SLC24A2: variants seen among roughly 807,000 people sequenced by gnomAD.
SLC24A2 encodes sodium/potassium/calcium exchanger 2.
Under a neutral mutation model 62.0 loss-of-function variants are expected in SLC24A2, and 36 were observed. The observed-to-expected ratio is 0.58, with a 90% CI of 0.44 to 0.77. The LOEUF is 0.77. SLC24A2 is among the 30% of genes least tolerant of loss of function. SLC24A2 has a pLI of 0.00. For synonymous variants in SLC24A2, 358 were observed against 294.0 expected (o/e 1.22, Z -2.23); for missense variants, 846 against 817.9 (o/e 1.03, Z -0.42).
the SLC24A2 span, among the ~76,000 whole-genome samples, chr9:20,224,411 A>G: frequency 0.012 from 1,809 of 152,144 alleles, 11 homozygotes; most frequent in Middle Eastern, 0.017. Context: ...AATCATAACC[A>G]TAAGTTTGGC....
At chr9:20,002,412 T>C in the SLC24A2 span, among the ~76,000 whole-genome samples, 1 of 151,900 alleles carries the variant, frequency 6.6e-6, no homozygotes, top group South Asian at 2.1e-4. Context: ...TGGTACCCTT[T>C]TGAAAAGATA....
At chr9:20,180,094 T>C in the SLC24A2 span, among the ~76,000 whole-genome samples, 3 of 152,170 alleles carry the variant, frequency 2.0e-5, no homozygotes, top group South Asian at 6.2e-4. Flanking sequence ...AGATAGAGTG[T>C]GGTATAAGAA....
At chr9:19,825,770 C>T in the SLC24A2 span, among the ~76,000 whole-genome samples, 1 of 151,786 alleles carries the variant, frequency 6.6e-6, no homozygotes, top group South Asian at 2.1e-4. Flanking sequence ...AAGAAGCTGA[C>T]AAAGTAATTA....
At chr9:20,001,554 G>T in the SLC24A2 span, among the ~76,000 whole-genome samples, 1 of 152,168 alleles carries the variant, frequency 6.6e-6, no homozygotes, top group Non-Finnish European at 1.5e-5. Context: ...ATCAAAAATA[G>T]AACCACTGTG....
chr9:20,182,846 A>C, the SLC24A2 span, among the ~76,000 whole-genome samples: 1 of 152,208 alleles, frequency 6.6e-6, no homozygotes, highest in South Asian at 2.1e-4. Flanking sequence ...AAAGGCAGAA[A>C]ATAAAACTTC....
intron 2 of SLC24A2, among the ~76,000 whole-genome samples, chr9:19,649,357 T>C (rs1468581036): frequency 6.6e-6 from 1 of 152,112 alleles, no homozygotes; most frequent in African/African-American, 2.4e-5. Context: ...CAAAAATATG[T>C]TGGGTATTAC....
intron 2 of SLC24A2, among the ~76,000 whole-genome samples, chr9:19,661,007 G>C (rs1027401315): frequency 1.3e-5 from 2 of 152,140 alleles, no homozygotes; most frequent in African/African-American, 4.8e-5. Context: ...GGTATGGCTA[G>C]TACACCAGAG....
intron 2 of SLC24A2, among the ~76,000 whole-genome samples, chr9:19,695,766 T>C (rs370277188): frequency 6.7e-6 from 1 of 149,984 alleles, no homozygotes; most frequent in East Asian, 2.0e-4. Flanking sequence ...ACTATTCATA[T>C]AATTTGAATG....
At chr9:19,728,868 A>G (rs965372290) in intron 2 of SLC24A2, among the ~76,000 whole-genome samples, 1 of 152,212 alleles carries the variant, frequency 6.6e-6, no homozygotes, top group Admixed American at 6.5e-5. Context: ...GGCTGAGACT[A>G]AAAAGCCAAG....
the SLC24A2 span, among the ~76,000 whole-genome samples, chr9:19,830,606 C>T: frequency 6.6e-6 from 1 of 152,136 alleles, no homozygotes; most frequent in Non-Finnish European, 1.5e-5. Context: ...CTGAATCTTC[C>T]AGGAGTCTTC....
chr9:20,075,960 C>T, the SLC24A2 span, among the ~76,000 whole-genome samples: 1 of 152,146 alleles, frequency 6.6e-6, no homozygotes, highest in East Asian at 1.9e-4. Context: ...CTCCTGTATA[C>T]TTTAAATCAT....
At chr9:19,995,833 G>A in the SLC24A2 span, among the ~76,000 whole-genome samples, 3 of 152,330 alleles carry the variant, frequency 2.0e-5, no homozygotes, top group South Asian at 4.1e-4. Context: ...AACAGATGGG[G>A]CAGGCATCAT....
the SLC24A2 span, among the ~76,000 whole-genome samples, chr9:20,009,681 T>C: frequency 6.6e-6 from 1 of 152,128 alleles, no homozygotes; most frequent in Non-Finnish European, 1.5e-5. Context: ...ATGCTAGTAG[T>C]GGAGAGGTAA....
the SLC24A2 span, among the ~76,000 whole-genome samples, chr9:20,168,833 G>A: frequency 8.8e-4 from 134 of 152,064 alleles, no homozygotes; most frequent in Admixed American, 5.8e-3. Context: ...CACATGACCC[G>A]GCAGTTTCAC....
intron 4 of SLC24A2, among the ~76,000 whole-genome samples, chr9:19,607,649 G>A (rs1837027461): frequency 6.6e-6 from 1 of 150,954 alleles, no homozygotes; most frequent in Admixed American, 6.6e-5. Context: ...AACCCGGGAG[G>A]TGGAGGTGGC....
At chr9:20,232,723 G>C in the SLC24A2 span, among the ~76,000 whole-genome samples, 1 of 152,062 alleles carries the variant, frequency 6.6e-6, no homozygotes, top group South Asian at 2.1e-4. Flanking sequence ...GGTTTTTTGT[G>C]TCTCTATTTC....
In SLC24A2 at chr9:19,685,957, CACA is replaced by C. The variant is rs558822370; in HGVS notation, c.931-63661_931-63659del. ...ACTAAAGAGTTTCTGCACAGCAAAA[CACA>C]CTATCAACAGAGTAAACAGACAACC... On this transcript the variant is annotated intron_variant, in intron 2 of 10. Transcript: ENST00000341998. Among the ~76,000 whole-genome samples the C allele has an allele frequency of 6.0e-3, 911 of 151,992 alleles. 7 individuals are homozygous for C. The highest frequency in any genetic ancestry group is 0.021 in the African/African-American group (868 of 41,500).
the SLC24A2 span, among the ~76,000 whole-genome samples, chr9:19,902,928 A>C: frequency 5.3e-5 from 8 of 152,166 alleles, no homozygotes; most frequent in Admixed American, 3.3e-4. Flanking sequence ...CAGTCTTTCA[A>C]CTTCATGGCT....
Position 19,697,329 on chromosome 9 carries a change from C to T in SLC24A2, c.931-75030G>A, listed in dbSNP as rs549103067. ...CATCAGGAAGAATAGCTAGTGGATG[C>T]TGGACTTAATATTCAGGTGATGGGT... On this transcript the variant is annotated intron_variant, in intron 2 of 10. Transcript: ENST00000341998. Among the ~76,000 whole-genome samples, 6 of 152,244 alleles carry T rather than the reference C, an allele frequency of 3.9e-5. No homozygotes were observed. The East Asian group carries it at 1.2e-3, about 29-fold the overall frequency.
Sources: allele counts gnomAD v4.1 joint callset (sites outside exome capture counted in the v4.1 genomes callset), GRCh38; gene constraint gnomAD v4.1.1; transcripts MANE v1.5; gene names NCBI Gene and HGNC (gene_info 2026-07-23, HGNC 2026-07-21).